ARHGAP42: variants seen among roughly 807,000 people sequenced by gnomAD.
ARHGAP42 encodes the protein rho GTPase-activating protein 42.
Under a neutral mutation model 125.0 loss-of-function variants are expected in ARHGAP42, and 63 were observed. That is an observed-to-expected ratio of 0.50 (90% CI 0.41 to 0.62). The LOEUF (loss-of-function observed/expected upper bound fraction) is 0.62. ARHGAP42 is among the 20% of genes least tolerant of loss of function. The pLI, the probability that ARHGAP42 is intolerant of heterozygous loss-of-function variation, is 0.00. For missense variants in ARHGAP42, 766 were observed against 1,024.2 expected, an observed-to-expected ratio of 0.75 and a Z score of 3.44; for synonymous variants, 339 against 351.0, an observed-to-expected ratio of 0.97 and a Z score of 0.38.
At chr11:100,817,557 T>C (rs1864297357) in intron 3 of ARHGAP42, among the ~76,000 whole-genome samples, 1 of 152,196 alleles carries the variant, frequency 6.6e-6, no homozygotes, top group South Asian at 2.1e-4. Flanking sequence ...AAGTATAATC[T>C]TCTCCAATTT....
At chr11:100,848,506 CTTT>C (rs1022513274) in intron 3 of ARHGAP42, among the ~76,000 whole-genome samples, 1 of 144,616 alleles carries the variant, frequency 6.9e-6, no homozygotes. Flanking sequence ...TTCTTTCTTT[CTTT>C]TTTTTTTTTC....
At chr11:100,903,929 A>G (rs1466232490) in intron 4 of ARHGAP42, among the ~76,000 whole-genome samples, 1 of 151,488 alleles carries the variant, frequency 6.6e-6, no homozygotes, top group Admixed American at 6.6e-5. Context: ...GTAGGCTGGG[A>G]GACTAGGCCT....
At chr11:100,834,673 G>A (rs1054129518) in intron 3 of ARHGAP42, among the ~76,000 whole-genome samples, 1 of 152,002 alleles carries the variant, frequency 6.6e-6, no homozygotes, top group Non-Finnish European at 1.5e-5. Flanking sequence ...ACTAGTAGTA[G>A]CTTAAAGAAG....
At chr11:100,977,574 C>T (rs2135322890) in intron 21 of ARHGAP42, among the ~76,000 whole-genome samples, 1 of 152,266 alleles carries the variant, frequency 6.6e-6, no homozygotes, top group East Asian at 1.9e-4. Context: ...GGAAACCTGG[C>T]TAAACAAGTA....
At chr11:100,964,488 C>G (rs566790519) in intron 16 of ARHGAP42, among the ~76,000 whole-genome samples, 2 of 152,308 alleles carry the variant, frequency 1.3e-5, no homozygotes, top group East Asian at 3.9e-4. Flanking sequence ...GAGCCAGGCT[C>G]TTTCCTCACT....
chr11:100,918,554 T>G (rs1222540530), intron 5 of ARHGAP42, among the ~76,000 whole-genome samples: 1 of 152,222 alleles, frequency 6.6e-6, no homozygotes, highest in Non-Finnish European at 1.5e-5. Context: ...TTACTCTACT[T>G]ATCCAGTACA....
chr11:100,877,541 A>C (rs1865849392), intron 4 of ARHGAP42, among the ~76,000 whole-genome samples: 1 of 152,220 alleles, frequency 6.6e-6, no homozygotes, highest in South Asian at 2.1e-4. Flanking sequence ...TGTCTTCTGT[A>C]AAATTCCTAC....
chr11:100,798,028 G>A (rs1281083724), intron 3 of ARHGAP42, among the ~76,000 whole-genome samples: 1 of 152,168 alleles, frequency 6.6e-6, no homozygotes, highest in Non-Finnish European at 1.5e-5. Context: ...AGATTTAAGA[G>A]AACTAGAATT....
At chr11:100,756,005 A>G (rs548848959) in intron 1 of ARHGAP42, among the ~76,000 whole-genome samples, 184 of 152,114 alleles carry the variant, frequency 1.2e-3, no homozygotes, top group Non-Finnish European at 2.4e-3. Context: ...GGAAATATAA[A>G]ATATAAAGGT....
At chr11:100,941,487 C>T (rs1867883040) in intron 8 of ARHGAP42, among the ~76,000 whole-genome samples, 1 of 152,134 alleles carries the variant, frequency 6.6e-6, no homozygotes, top group African/African-American at 2.4e-5. Flanking sequence ...CTTCCTACCT[C>T]TATGGAGTAC....
intron 1 of ARHGAP42, among the ~76,000 whole-genome samples, chr11:100,711,423 T>A (rs1269024841): frequency 6.6e-6 from 1 of 152,148 alleles, no homozygotes; most frequent in African/African-American, 2.4e-5. Context: ...GGTGAGATCT[T>A]GGCTCACTGC....
chr11:100,794,205 T>G (rs765339950), intron 2 of ARHGAP42, among the ~76,000 whole-genome samples: 3 of 151,522 alleles, frequency 2.0e-5, no homozygotes, highest in Admixed American at 6.6e-5. Context: ...GTTTGAAAAA[T>G]TGATATGGGT....
intron 17 of ARHGAP42, among the ~76,000 whole-genome samples, chr11:100,970,739 C>T (rs1858220174): frequency 6.6e-6 from 1 of 152,114 alleles, no homozygotes; most frequent in Non-Finnish European, 1.5e-5. Flanking sequence ...ACCCATTGCT[C>T]TTGGCACTGG....
intron 3 of ARHGAP42, among the ~76,000 whole-genome samples, chr11:100,835,247 A>C (rs149111935): frequency 1.3e-5 from 2 of 152,286 alleles, no homozygotes; most frequent in Non-Finnish European, 2.9e-5. Context: ...CCAGCATTAC[A>C]TTAATCATTG....
chr11:100,777,238 C>T (rs1385199169), intron 2 of ARHGAP42, among the ~76,000 whole-genome samples: 4 of 152,146 alleles, frequency 2.6e-5, no homozygotes, highest in Non-Finnish European at 5.9e-5. Context: ...TTTACTATGT[C>T]TTCCTGTGCT....
At chr11:100,724,641 G>A (rs1861823467) in intron 1 of ARHGAP42, among the ~76,000 whole-genome samples, 1 of 151,678 alleles carries the variant, frequency 6.6e-6, no homozygotes, top group African/African-American at 2.4e-5. Context: ...GTACCCAGGG[G>A]GATTAGTAGT....
At chr11:100,918,874 A>G (rs1249429517) in intron 5 of ARHGAP42, among the ~76,000 whole-genome samples, 3 of 152,102 alleles carry the variant, frequency 2.0e-5, no homozygotes, top group Non-Finnish European at 2.9e-5. Context: ...GGAGGGGGGC[A>G]AGTGGGATGA....
At chr11:100,980,325 T>C (rs921897426) in intron 22 of ARHGAP42, among the ~76,000 whole-genome samples, 5 of 152,048 alleles carry the variant, frequency 3.3e-5, no homozygotes, top group Non-Finnish European at 7.4e-5. Flanking sequence ...GGATTTAACC[T>C]TGCTACTTCT....
In ARHGAP42 at chr11:100,976,379, G is replaced by A; in HGVS notation, c.2178G>A (p.Gly726=). The part of the protein sequence containing the change: ...PIDLVKKEPY[G]LSGLKRASAS... ...ACCTAGTCAAGAAAGAGCCTTATGG[G>A]CTTTCAGGACTGAAAAGAGCTTCTG... The change falls in exon 20 of 24, where the codon GGG becomes GGA. Residue 726 remains glycine (G), a synonymous_variant. Coordinates refer to ENST00000298815, the MANE Select transcript of ARHGAP42 (RefSeq NM_152432.4). The A allele has an allele frequency of 1.3e-6, 2 of 1,549,234 alleles. No homozygotes were observed. The highest frequency in any genetic ancestry group is 1.7e-6 in the Non-Finnish European group (2 of 1,146,260).
Sources: gnomAD v4.1 joint callset for allele counts (sites outside exome capture counted in the v4.1 genomes callset) on GRCh38, gnomAD v4.1.1 for gene constraint, MANE v1.5 for transcripts, NCBI Gene and HGNC (gene_info 2026-07-23, HGNC 2026-07-21) for gene names.